Variants in SIPA1L2 observed in about 807,000 individuals in gnomAD.
The protein encoded by SIPA1L2 is signal induced proliferation associated 1 like 2.
In SIPA1L2, 56 loss-of-function variants were observed where a neutral mutation model predicts 163.9. The ratio of observed to expected loss-of-function variants is 0.34; its 90% confidence interval spans 0.28 to 0.43. The LOEUF is 0.43. SIPA1L2 is among the 20% of genes least tolerant of loss of function. SIPA1L2 has a pLI of 1.00. For synonymous variants in SIPA1L2, 877 were observed against 865.7 expected, an observed-to-expected ratio of 1.01 and a Z score of -0.23; for missense variants, 1,974 against 2,193.5, an observed-to-expected ratio of 0.90 and a Z score of 2.00.
chr1:232,403,257 C>A (rs2102741329), intron 21 of SIPA1L2, among the ~76,000 whole-genome samples, 191 bp downstream of exon 21: 1 of 152,310 alleles, frequency 6.6e-6, no homozygotes, highest in South Asian at 2.1e-4. Context: ...GTCATGCAGC[C>A]AAGAGCGGTC....
intron 2 of SIPA1L2, among the ~76,000 whole-genome samples, chr1:232,548,982 T>C (rs1175144509): frequency 6.6e-6 from 1 of 152,326 alleles, no homozygotes; most frequent in African/African-American, 2.4e-5. Context: ...GGCTGGTGTA[T>C]AGCCAGAGGC....
At chr1:232,511,807 T>C (rs568348493) in intron 3 of SIPA1L2, among the ~76,000 whole-genome samples, 12 of 152,312 alleles carry the variant, frequency 7.9e-5, no homozygotes, top group Admixed American at 5.9e-4. Flanking sequence ...ATTCAGGACA[T>C]AGGCATGGGC....
At chr1:232,457,711 C>T (rs1400400054) in intron 10 of SIPA1L2, among the ~76,000 whole-genome samples, 1 of 152,062 alleles carries the variant, frequency 6.6e-6, no homozygotes, top group Non-Finnish European at 1.5e-5. Context: ...GAAGTGCTAC[C>T]CATTTCCCCT....
At chr1:232,613,132 C>G (rs1381174037) in intron 1 of SIPA1L2, among the ~76,000 whole-genome samples, 2 of 152,148 alleles carry the variant, frequency 1.3e-5, no homozygotes, top group Non-Finnish European at 2.9e-5. Context: ...GAGGCCTCCG[C>G]AGCCATGTGA....
At chr1:232,492,228 G>C (rs1665968564) in intron 4 of SIPA1L2, among the ~76,000 whole-genome samples, 1 of 152,102 alleles carries the variant, frequency 6.6e-6, no homozygotes, top group Admixed American at 6.6e-5. Flanking sequence ...TGTTTTCTCT[G>C]ATCTAGAAGC....
intron 19 of SIPA1L2, among the ~76,000 whole-genome samples, chr1:232,405,916 T>G (rs1660606736): frequency 6.6e-6 from 1 of 152,156 alleles, no homozygotes; most frequent in Admixed American, 6.5e-5. Context: ...GAAACAGAAT[T>G]TCCTACAGGC....
chr1:232,431,581 T>C (rs1184834016), intron 16 of SIPA1L2, among the ~76,000 whole-genome samples: 2 of 152,210 alleles, frequency 1.3e-5, no homozygotes, highest in Non-Finnish European at 2.9e-5. Flanking sequence ...CCTGATCATT[T>C]AGCACGAGTA....
At chr1:232,584,024 C>T (rs1660522934) in intron 1 of SIPA1L2, among the ~76,000 whole-genome samples, 1 of 152,164 alleles carries the variant, frequency 6.6e-6, no homozygotes, top group Admixed American at 6.5e-5. Context: ...CTTCCCCGCT[C>T]TCTGTATAAA....
intron 7 of SIPA1L2, among the ~76,000 whole-genome samples, chr1:232,473,877 T>C (rs1043186342): frequency 6.6e-6 from 1 of 152,206 alleles, no homozygotes; most frequent in Non-Finnish European, 1.5e-5. Flanking sequence ...TATCCATTAA[T>C]AGAATGCTTG....
intron 2 of SIPA1L2, among the ~76,000 whole-genome samples, chr1:232,526,513 T>A (rs772432789): frequency 1.3e-5 from 2 of 152,158 alleles, no homozygotes; most frequent in Non-Finnish European, 2.9e-5. Context: ...TGCACTCCTA[T>A]GAGAATCTAA....
intron 3 of SIPA1L2, among the ~76,000 whole-genome samples, chr1:232,495,636 A>G (rs1037334047): frequency 2.0e-5 from 3 of 152,154 alleles, no homozygotes; most frequent in Admixed American, 1.3e-4. Context: ...ACAAAAGGAA[A>G]CTAGCCTATT....
intron 10 of SIPA1L2, among the ~76,000 whole-genome samples, chr1:232,460,223 C>A (rs1664157846): frequency 6.6e-6 from 1 of 152,170 alleles, no homozygotes; most frequent in African/African-American, 2.4e-5. Flanking sequence ...TGATTATTTT[C>A]TATTAGTAAT....
At chr1:232,428,351 T>G (rs1292877755) in intron 17 of SIPA1L2, 60 bp downstream of exon 17, 11 of 88,582 alleles carry the variant, frequency 1.2e-4, no homozygotes, top group Non-Finnish European at 1.7e-4. Context: ...TTCTTTAGAC[T>G]TTTTTTTTTT....
intron 15 of SIPA1L2, among the ~76,000 whole-genome samples, chr1:232,438,478 T>C (rs1662694089): frequency 6.6e-6 from 1 of 152,266 alleles, no homozygotes; most frequent in Admixed American, 6.5e-5. Flanking sequence ...TTAAAACCAC[T>C]GCAGAGAAGT....
At chr1:232,564,646 T>G (rs1364907706) in intron 2 of SIPA1L2, among the ~76,000 whole-genome samples, 2 of 152,154 alleles carry the variant, frequency 1.3e-5, no homozygotes, top group East Asian at 3.8e-4. Context: ...ACCCCAATTT[T>G]AATTTAGCGT....
At chr1:232,428,699 T>C in intron 16 of SIPA1L2, 135 bp from the exon 17 acceptor site, 1 of 513,826 alleles carries the variant, frequency 1.9e-6, no homozygotes, top group Non-Finnish European at 3.2e-6. Context: ...CAGTTCACTT[T>C]TGCTGCGTTT....
intron 20 of SIPA1L2, among the ~76,000 whole-genome samples, chr1:232,403,902 T>C (rs1328779208): frequency 1.3e-5 from 2 of 152,116 alleles, no homozygotes; most frequent in African/African-American, 4.8e-5. Context: ...CATGAAATAA[T>C]AGTTGGATAA....
In SIPA1L2 at chr1:232,504,089, C is replaced by T. The variant is rs1238638979; in HGVS notation, c.1483+9768G>A. Among the ~76,000 whole-genome samples, 5 of 152,240 alleles carry T rather than the reference C, an allele frequency of 3.3e-5. No homozygotes were observed. In the East Asian group the frequency reaches 9.7e-4, roughly 29 times the overall value. ...TGGTGGTGCATGTCTGTAATCCCAG[C>T]TACTCAGGAGGCTGAGGCAGGAGAA... On this transcript the variant is annotated intron_variant, in intron 3 of 22. Transcript: ENST00000674635.
At chr1:232,471,013 C>G (rs537394919) in intron 8 of SIPA1L2, among the ~76,000 whole-genome samples, 2 of 152,146 alleles carry the variant, frequency 1.3e-5, no homozygotes, top group Non-Finnish European at 2.9e-5. Context: ...TGCAAAGATC[C>G]AAGATCTTTG....
Sources: allele counts gnomAD v4.1 joint callset (sites outside exome capture counted in the v4.1 genomes callset), GRCh38; gene constraint gnomAD v4.1.1; transcripts MANE v1.5; gene names NCBI Gene and HGNC (gene_info 2026-07-23, HGNC 2026-07-21).